Variants in CFAP299 observed in about 807,000 individuals in gnomAD.
The protein encoded by CFAP299 is cilia and flagella associated protein 299.
CFAP299 carries 21 observed loss-of-function variants against 27.0 expected under a neutral mutation model. That is an observed-to-expected ratio of 0.78 (90% CI 0.55 to 1.12). The LOEUF (loss-of-function observed/expected upper bound fraction) is 1.12. CFAP299 is among the 50% of genes most tolerant of loss of function. The pLI is 0.00. For missense variants in CFAP299, 310 were observed against 276.6 expected (o/e 1.12, Z -0.86); for synonymous variants, 104 against 98.1 (o/e 1.06, Z -0.36).
rs559037524 is a variant in CFAP299 at position 80,670,572 on chromosome 4, C to G, written c.333+87389C>G. Among the ~76,000 whole-genome samples, 3 of 152,264 alleles carry G rather than the reference C, an allele frequency of 2.0e-5. No homozygotes were observed. In the South Asian group the frequency reaches 6.2e-4, roughly 32 times the overall value. ...CCTTGAGGAATAGCCATGCTGTCTTCCACAATGGTTGAACTAGTGTACACT... is the reference window on the plus strand; with the variant it reads ...CCTTGAGGAATAGCCATGCTGTCTTGCACAATGGTTGAACTAGTGTACACT... On this transcript the variant is annotated intron_variant, in intron 3 of 5. Coordinates refer to ENST00000358105, the MANE Select transcript of CFAP299 (RefSeq NM_152770.3).
intron 4 of CFAP299, among the ~76,000 whole-genome samples, chr4:80,929,158 G>A (rs1378324966): frequency 6.6e-6 from 1 of 151,806 alleles, no homozygotes. Flanking sequence ...CTATGGCAAT[G>A]CTACCCATCC....
At chr4:80,868,364 G>T (rs1001848687) in intron 3 of CFAP299, among the ~76,000 whole-genome samples, 1 of 152,140 alleles carries the variant, frequency 6.6e-6, no homozygotes, top group Non-Finnish European at 1.5e-5. Context: ...GTTTTGGTCT[G>T]AAGATGTTTA....
intron 3 of CFAP299, among the ~76,000 whole-genome samples, chr4:80,848,530 A>C (rs1731310770): frequency 1.3e-5 from 2 of 152,142 alleles, no homozygotes; most frequent in Non-Finnish European, 2.9e-5. Flanking sequence ...TATATTGGGC[A>C]ACTGTGGTGG....
At chr4:80,476,245 C>T (rs1730267507) in intron 2 of CFAP299, among the ~76,000 whole-genome samples, 1 of 152,102 alleles carries the variant, frequency 6.6e-6, no homozygotes, top group South Asian at 2.1e-4. Flanking sequence ...AACTTGGGTC[C>T]AGTATTTGGG....
At chr4:80,811,089 G>T (rs1578147381) in intron 3 of CFAP299, among the ~76,000 whole-genome samples, 1 of 152,054 alleles carries the variant, frequency 6.6e-6, no homozygotes, top group Non-Finnish European at 1.5e-5. Flanking sequence ...ATAAATGCCA[G>T]TTGGTTTATC....
At chr4:80,346,926 G>C (rs186768097) in intron 1 of CFAP299, among the ~76,000 whole-genome samples, 2 of 152,250 alleles carry the variant, frequency 1.3e-5, no homozygotes, top group Admixed American at 1.3e-4. Flanking sequence ...TCTTCCATTT[G>C]TTTGTGTCCT....
intron 2 of CFAP299, among the ~76,000 whole-genome samples, chr4:80,415,209 C>G (rs529263909): frequency 7.9e-5 from 12 of 152,246 alleles, no homozygotes; most frequent in African/African-American, 2.9e-4. Context: ...ACATAGCTAA[C>G]AAAATTTTGG....
chr4:80,550,209 T>C (rs1734431037), intron 2 of CFAP299, among the ~76,000 whole-genome samples: 1 of 152,128 alleles, frequency 6.6e-6, no homozygotes, highest in Non-Finnish European at 1.5e-5. Flanking sequence ...AATTCCACAA[T>C]CATTTATTGA....
chr4:80,747,937 G>A (rs1219653837), intron 3 of CFAP299, among the ~76,000 whole-genome samples: 3 of 151,872 alleles, frequency 2.0e-5, no homozygotes, highest in Non-Finnish European at 4.4e-5. Context: ...TGTACTTTCC[G>A]ATCAAACATC....
intron 4 of CFAP299, among the ~76,000 whole-genome samples, chr4:80,892,577 T>A (rs1734363254): frequency 6.6e-6 from 1 of 152,022 alleles, no homozygotes; most frequent in Admixed American, 6.6e-5. Flanking sequence ...TGAGTCAACA[T>A]ATGCAAATTA....
chr4:80,537,534 C>A (rs1363525005), intron 2 of CFAP299, among the ~76,000 whole-genome samples: 1 of 152,070 alleles, frequency 6.6e-6, no homozygotes, highest in Non-Finnish European at 1.5e-5. Flanking sequence ...TCATTTGCAA[C>A]AACACGGATG....
chr4:80,578,262 C>A (rs962163857), intron 2 of CFAP299, among the ~76,000 whole-genome samples: 1 of 152,154 alleles, frequency 6.6e-6, no homozygotes, highest in Non-Finnish European at 1.5e-5. Flanking sequence ...GTTAAATAAA[C>A]CTAGTTAAAT....
intron 2 of CFAP299, chr4:80,387,895 G>T (rs1057314001): frequency 1.1e-5 from 11 of 974,622 alleles, no homozygotes; most frequent in Non-Finnish European, 1.7e-5. Flanking sequence ...GATGGCCACG[G>T]TGCCCCCGGT....
At chr4:80,479,950 G>A (rs1730469451) in intron 2 of CFAP299, among the ~76,000 whole-genome samples, 1 of 151,954 alleles carries the variant, frequency 6.6e-6, no homozygotes, top group Non-Finnish European at 1.5e-5. Flanking sequence ...CATATGTTCT[G>A]ATTTACACAA....
chr4:80,412,456 T>C (rs1256541148), intron 2 of CFAP299, among the ~76,000 whole-genome samples: 1 of 152,156 alleles, frequency 6.6e-6, no homozygotes, highest in Non-Finnish European at 1.5e-5. Context: ...ACGCATGAAC[T>C]CAACTAAATA....
intron 3 of CFAP299, among the ~76,000 whole-genome samples, chr4:80,764,919 C>T (rs1725770520): frequency 6.6e-6 from 1 of 151,966 alleles, no homozygotes; most frequent in Admixed American, 6.6e-5. Flanking sequence ...AGGGGAACAA[C>T]ACACACTAGG....
At chr4:80,583,439 T>C (rs1736273016) in intron 3 of CFAP299, 1 of 220,058 alleles carries the variant, frequency 4.5e-6, no homozygotes, top group Non-Finnish European at 8.8e-6. Flanking sequence ...CATGGCAGAA[T>C]GGTTCTTTAA....
At chr4:80,646,982 AGAGAGAGTGTGTGTGT>A in intron 3 of CFAP299, among the ~76,000 whole-genome samples, 1 of 65,852 alleles carries the variant, frequency 1.5e-5, no homozygotes, top group African/African-American at 3.6e-5. Flanking sequence ...AGAGAGAGAG[AGAGAGAGTGTGTGTGT>A]GTGTGTGTGT....
At chr4:80,877,164 A>G (rs1733423298) in intron 4 of CFAP299, among the ~76,000 whole-genome samples, 1 of 152,224 alleles carries the variant, frequency 6.6e-6, no homozygotes, top group South Asian at 2.1e-4. Flanking sequence ...GGATACTTTT[A>G]GAATCTACTC....
Sources: allele counts gnomAD v4.1 joint callset (sites outside exome capture counted in the v4.1 genomes callset), GRCh38; gene constraint gnomAD v4.1.1; transcripts MANE v1.5; gene names NCBI Gene and HGNC (gene_info 2026-07-23, HGNC 2026-07-21).